The following FBXO10 variants were observed in gnomAD, a reference collection of about 807,000 sequenced individuals.
FBXO10 encodes the protein F-box protein 10.
Under a neutral mutation model 80.7 loss-of-function variants are expected in FBXO10, and 39 were observed. The observed-to-expected ratio is 0.48, with a 90% CI of 0.37 to 0.63. FBXO10 has a LOEUF of 0.63. Ranked by LOEUF, FBXO10 falls within the 30% of genes least tolerant of loss-of-function variation. The probability of loss-of-function intolerance (pLI) is 0.00; values close to 1 mark genes in which losing one functional copy is unlikely to be tolerated. For synonymous variants in FBXO10, 449 were observed against 489.6 expected (o/e 0.92, Z 1.09); for missense variants, 1,025 against 1,269.0 (o/e 0.81, Z 2.92).
At position 37,533,530 on chromosome 9, in the gene FBXO10, A is replaced by T. The variant is rs558674490; in HGVS notation, c.1420-1472T>A. On this transcript the variant is annotated intron_variant, in intron 3 of 10. Coordinates refer to ENST00000432825, the MANE Select transcript of FBXO10 (RefSeq NM_012166.3). Reference sequence around the variant, plus strand: ...CACTGTATTCCAGCCTGGGCGACAGAGTGAGACCTTATCTCAAAAATAAAA... The same window carrying T: ...CACTGTATTCCAGCCTGGGCGACAGTGTGAGACCTTATCTCAAAAATAAAA... Among the ~76,000 whole-genome samples the T allele has an allele frequency of 6.0e-4, 91 of 151,888 alleles. 1 individual carries two copies. Among genetic ancestry groups the T allele is most frequent in the Non-Finnish European group, 5.0e-4 (34 of 67,846 alleles).
At chr9:37,564,306 A>AGAAGTTTGCT (rs1822553449) in intron 1 of FBXO10, among the ~76,000 whole-genome samples, 1 of 152,238 alleles carries the variant, frequency 6.6e-6, no homozygotes, top group South Asian at 2.1e-4. Context: ...GCAGGGGTGG[A>AGAAGTTTGCT]GCCCTCATGG....
chr9:37,516,464 C>A (rs912822148), intron 9 of FBXO10, among the ~76,000 whole-genome samples: 2 of 152,164 alleles, frequency 1.3e-5, no homozygotes, highest in Non-Finnish European at 2.9e-5. Context: ...AGAGGCAAAG[C>A]CCCAGCATTT....
intron 3 of FBXO10, among the ~76,000 whole-genome samples, chr9:37,533,608 T>G (rs554916510): frequency 1.4e-5 from 2 of 147,522 alleles, no homozygotes; most frequent in African/African-American, 5.0e-5. Flanking sequence ...TGTTGGCTCA[T>G]GCCTGTAATC....
intron 1 of FBXO10, among the ~76,000 whole-genome samples, chr9:37,544,138 G>A (rs563216957): frequency 3.7e-4 from 57 of 152,334 alleles, no homozygotes; most frequent in African/African-American, 1.3e-3. Flanking sequence ...GTTTGGGGGC[G>A]TGCGCCTGTA....
intron 1 of FBXO10, among the ~76,000 whole-genome samples, chr9:37,563,059 C>T (rs1004339638): frequency 6.6e-6 from 1 of 152,148 alleles, no homozygotes; most frequent in Non-Finnish European, 1.5e-5. Flanking sequence ...ATAATCAGAT[C>T]ATGAAGGCAG....
rs550828369 is a variant in FBXO10 at position 37,553,633 on chromosome 9, C to T, written c.-6-11859G>A. Among the ~76,000 whole-genome samples, 10 of 151,710 alleles carry T rather than the reference C, an allele frequency of 6.6e-5. No individual in the cohort carries two copies. The South Asian group carries it at 1.0e-3, about 16-fold the overall frequency. ...AAATAATAGAGATCCTGGCCAGGCA[C>T]GGTGGCTCATGCCTGGAATCCCAGC... On this transcript the variant is annotated intron_variant, in intron 1 of 10. Transcript: ENST00000432825.
In FBXO10 at chr9:37,525,177, A is replaced by T; in HGVS notation, c.1707-5T>A. ...CCCTTGAAGATGTGGTTCCCGCTAA[A>T]GTGGAAGGAAAACAAAACAAAGAGG... On this transcript the variant is annotated splice_polypyrimidine_tract_variant and splice_region_variant and intron_variant, in intron 5 of 10. Transcript: ENST00000432825. The T allele has an allele frequency of 6.4e-7, 1 of 1,559,448 alleles. No individual in the cohort carries two copies. Among genetic ancestry groups the T allele is most frequent in the Non-Finnish European group, 8.7e-7 (1 of 1,151,442 alleles).
intron 1 of FBXO10, among the ~76,000 whole-genome samples, chr9:37,556,345 T>C (rs1822334075): frequency 6.6e-6 from 1 of 152,202 alleles, no homozygotes; most frequent in African/African-American, 2.4e-5. Context: ...GTTTACACTG[T>C]ATACTTAAGC....
rs867003373 is a variant in FBXO10 at position 37,557,872 on chromosome 9, A to G, written c.-6-16098T>C. Among the ~76,000 whole-genome samples, 17 of 152,148 alleles carry G rather than the reference A, an allele frequency of 1.1e-4. 1 individual carries two copies. Among genetic ancestry groups the G allele is most frequent in the South Asian group, 1.0e-3 (5 of 4,836 alleles). ...CCACCAGAAGGACATCATTATCCCCATTTTCATAACCTTCCATATGAAAGT... is the reference window on the plus strand; with the variant it reads ...CCACCAGAAGGACATCATTATCCCCGTTTTCATAACCTTCCATATGAAAGT... On this transcript the variant is annotated intron_variant, in intron 1 of 10. Transcript: ENST00000432825.
At chr9:37,512,758 G>A in intron 10 of FBXO10, 37 bp from the exon 11 acceptor site, 1 of 1,596,872 alleles carries the variant, frequency 6.3e-7, no homozygotes, top group Non-Finnish European at 8.5e-7. Flanking sequence ...AACTTCTGAG[G>A]GGTGTGCAGT....
rs547797864 is a variant in FBXO10 at position 37,528,946 on chromosome 9, C to T, written c.1706+178G>A. On this transcript the variant is annotated intron_variant, in intron 5 of 10. Transcript: ENST00000432825. The stretch of plus-strand genomic sequence containing the variant: ...GTGACTGCCGAATAGAACGCCTACA[C>T]GGAGTTCACTGGAAGGGCACATAAA... 1.1e-4 allele frequency among the ~76,000 whole-genome samples: 17 copies of T among 152,314 alleles called. 1 individual carries two copies. The South Asian group carries it at 1.2e-3, about 11-fold the overall frequency.
chr9:37,561,702 C>T (rs1822489294), intron 1 of FBXO10, among the ~76,000 whole-genome samples: 1 of 152,140 alleles, frequency 6.6e-6, no homozygotes, highest in Non-Finnish European at 1.5e-5. Flanking sequence ...AGCATTGTTC[C>T]AAGAACTGAA....
intron 1 of FBXO10, among the ~76,000 whole-genome samples, chr9:37,569,504 G>C (rs1249945899): frequency 2.0e-5 from 3 of 147,732 alleles, no homozygotes. Context: ...CACCCAGTAA[G>C]GATAAAGAAG....
rs1406091262 is a variant in FBXO10 at position 37,537,626 on chromosome 9, G to A, written c.903C>T (p.Asp301=). 3 of 1,614,022 alleles carry A rather than the reference G, an allele frequency of 1.9e-6. No homozygotes were observed. The highest frequency in any genetic ancestry group is 2.2e-5 in the South Asian group (2 of 91,088). ...CACAGGTCTTTGGGCTCCAGGCCTGGTCCCGGCTCTCTAGGTCCAGGGACA... is the reference window on the plus strand; with the variant it reads ...CACAGGTCTTTGGGCTCCAGGCCTGATCCCGGCTCTCTAGGTCCAGGGACA... The part of the protein sequence containing the change: ...FLMSLDLESR[D]QAWSPKTCDI... The change falls in exon 3 of 11, where the codon GAC becomes GAT. Residue 301 remains aspartate, a synonymous_variant. Transcript: ENST00000432825.
intron 3 of FBXO10, among the ~76,000 whole-genome samples, chr9:37,533,682 C>G (rs1821684893): frequency 6.6e-6 from 1 of 151,816 alleles, no homozygotes; most frequent in Non-Finnish European, 1.5e-5. Context: ...ACCAGCCTGG[C>G]CAACATGGTG....
intron 1 of FBXO10, among the ~76,000 whole-genome samples, chr9:37,567,528 T>C (rs1318766404): frequency 6.6e-6 from 1 of 152,106 alleles, no homozygotes; most frequent in East Asian, 1.9e-4. Context: ...ATTTATTGTG[T>C]GGTAATATTT....
intron 5 of FBXO10, among the ~76,000 whole-genome samples, chr9:37,526,440 A>T (rs183905871): frequency 6.6e-6 from 1 of 152,162 alleles, no homozygotes; most frequent in African/African-American, 2.4e-5. Context: ...TAAAAACCCA[A>T]CACTGATCTA....
At chr9:37,523,961 A>G (rs1821406381) in intron 6 of FBXO10, among the ~76,000 whole-genome samples, 1 of 152,240 alleles carries the variant, frequency 6.6e-6, no homozygotes, top group African/African-American at 2.4e-5. Context: ...GAGTCCTCAG[A>G]GGCAGAATGT....
chr9:37,551,745 T>C (rs1822203198), intron 1 of FBXO10, among the ~76,000 whole-genome samples: 1 of 149,288 alleles, frequency 6.7e-6, no homozygotes, highest in Non-Finnish European at 1.5e-5. Context: ...TGGTTTTCTC[T>C]TCTAAACCAT....
Sources: allele counts gnomAD v4.1 joint callset (sites outside exome capture counted in the v4.1 genomes callset), GRCh38; gene constraint gnomAD v4.1.1; transcripts MANE v1.5; gene names NCBI Gene and HGNC (gene_info 2026-07-23, HGNC 2026-07-21).